The following SLC25A29 variants were observed in gnomAD, a reference collection of about 807,000 sequenced individuals.
The protein encoded by SLC25A29 is solute carrier family 25 member 29.
Under a neutral mutation model 10.0 loss-of-function variants are expected in SLC25A29, and 13 were observed. The ratio of observed to expected loss-of-function variants is 1.30; its 90% CI spans 0.85 to 2.07. SLC25A29 has a LOEUF of 2.07. Among genes scored for constraint, SLC25A29 ranks in the 30% most tolerant of loss-of-function variants. The pLI is 0.00. For missense variants in SLC25A29, 475 were observed against 447.6 expected, an observed-to-expected ratio of 1.06 and a Z score of -0.55; for synonymous variants, 244 against 221.1, an observed-to-expected ratio of 1.10 and a Z score of -0.92.
At chr14:100,299,770 C>T in intron 1 of SLC25A29, 1 of 985,464 alleles carries the variant, frequency 1.0e-6, no homozygotes, top group South Asian at 4.7e-5. Flanking sequence ...CCATGCTCCT[C>T]TCCCTGGAGT....
At chr14:100,306,170 C>G in intron 1 of SLC25A29, 29 bp downstream of exon 1, 1 of 1,437,128 alleles carries the variant, frequency 7.0e-7, no homozygotes, top group Non-Finnish European at 9.1e-7. Context: ...CGCCTCGCCC[C>G]GGCCCGGCCC....
chr14:100,287,334 A>T (rs896731382), downstream of SLC25A29, among the ~76,000 whole-genome samples: 2 of 152,246 alleles, frequency 1.3e-5, no homozygotes, highest in African/African-American at 4.8e-5. Context: ...TGAACTCTGC[A>T]CCAAGGACCT....
chr14:100,287,259 G>T (rs1446980149), downstream of SLC25A29, among the ~76,000 whole-genome samples: 1 of 152,260 alleles, frequency 6.6e-6, no homozygotes, highest in African/African-American at 2.4e-5. Flanking sequence ...TGAAGCCAGT[G>T]TGGGCTCTGA....
chr14:100,286,439 C>T (rs991886006), downstream of SLC25A29, among the ~76,000 whole-genome samples: 2 of 121,100 alleles, frequency 1.7e-5, no homozygotes, highest in East Asian at 2.6e-4. Flanking sequence ...TTACAGCTGG[C>T]GTGGTGTTGG....
chr14:100,283,483 C>CT, the SLC25A29 span, among the ~76,000 whole-genome samples: 3,494 of 128,572 alleles, frequency 0.027, 119 homozygotes, highest in African/African-American at 0.081. Flanking sequence ...TTTGGAATTG[C>CT]TTTTTTTTTT....
At chr14:100,300,289 A>T (rs937373872) in intron 1 of SLC25A29, among the ~76,000 whole-genome samples, 7 of 151,976 alleles carry the variant, frequency 4.6e-5, no homozygotes, top group Admixed American at 6.6e-5. Context: ...AAAAGTTTGG[A>T]CCCTAAAACC....
Position 100,292,441 on chromosome 14 carries a change from C to A in SLC25A29, c.754G>T (p.Ala252Ser). Reference sequence around the variant, plus strand: ...GGGAAGGCGCGCAGCAGCGTGGACGCCAGCCCCCGTGTGAAGACGCGCCAG... The same window carrying A: ...GGGAAGGCGCGCAGCAGCGTGGACGACAGCCCCCGTGTGAAGACGCGCCAG... Reference protein sequence around the residue: ...EGWRVFTRGLASTLLRAFPVN... With the variant: ...EGWRVFTRGLSSTLLRAFPVN... The change falls in exon 4 of 4, where the codon GCG (alanine) becomes TCG (serine). Residue 252 changes from alanine (A) to serine (S), a missense_variant. Physicochemically the swap from Ala to Ser is moderately conservative, Grantham distance 99. Transcript: ENST00000359232. The A allele has an allele frequency of 2.5e-6, 4 of 1,579,054 alleles. No homozygotes were observed. The highest frequency in any genetic ancestry group is 2.6e-6 in the Non-Finnish European group (3 of 1,164,756).
At chr14:100,283,890 A>T in the SLC25A29 span, among the ~76,000 whole-genome samples, 1 of 150,004 alleles carries the variant, frequency 6.7e-6, no homozygotes, top group Admixed American at 6.6e-5. Flanking sequence ...TTATTTATTT[A>T]TTTTTTGGTA....
At chr14:100,288,579 C>T (rs999145775), downstream of SLC25A29, among the ~76,000 whole-genome samples, 17 of 144,414 alleles carry the variant, frequency 1.2e-4, no homozygotes, top group African/African-American at 4.6e-4. Context: ...CCCTGCCTCA[C>T]CCCCCTCCCC....
rs969774911 is a variant in SLC25A29, at chr14:100,303,568, T to C, written c.34+2631A>G. 1.3e-5 allele frequency among the ~76,000 whole-genome samples: 2 copies of C among 152,226 alleles called. 1 individual carries two copies. Among genetic ancestry groups the C allele is most frequent in the Non-Finnish European group, 2.9e-5 (2 of 68,044 alleles). ...TTTCAGCACCCTTCGGCGAGGGGCT[T>C]GGTCTCCTTCACCCAGAAGAACCCA... On this transcript the variant is annotated intron_variant, in intron 1 of 3. Transcript: ENST00000359232.
intron 1 of SLC25A29, chr14:100,299,756 A>ACTCC (rs1672506169): frequency 1.0e-6 from 1 of 985,136 alleles, no homozygotes; most frequent in African/African-American, 1.7e-5. Context: ...ACTGACTCTG[A>ACTCC]CTCCCATGCT....
chr14:100,299,017 G>A lies in SLC25A29; in HGVS notation c.35-132C>T, dbSNP rs1286502248. ...GGGAAAGGACATTGACCAAGCACCT[G>A]TGGGTGCAGCAGGCAGATCCCATGA... is the stretch of plus-strand genomic sequence containing the variant. On this transcript the variant is annotated intron_variant, in intron 1 of 3. Coordinates refer to ENST00000359232, the MANE Select transcript of SLC25A29 (RefSeq NM_001039355.3). 9 of 1,478,554 alleles carry A rather than the reference G, an allele frequency of 6.1e-6. No individual in the cohort carries two copies. The Admixed American group carries it at 1.4e-4, about 23-fold the overall frequency. 91.6% of individuals were successfully genotyped at this position (1,478,554 alleles called of 1,614,324 possible).
At chr14:100,300,298 C>T (rs901193901) in intron 1 of SLC25A29, among the ~76,000 whole-genome samples, 7 of 152,200 alleles carry the variant, frequency 4.6e-5, no homozygotes, top group African/African-American at 1.7e-4. Context: ...GACCCTAAAA[C>T]CCACTTGATA....
At chr14:100,305,933 C>T (rs946475080) in intron 1 of SLC25A29, 31 of 376,124 alleles carry the variant, frequency 8.2e-5, no homozygotes, top group Non-Finnish European at 1.3e-4. Flanking sequence ...GTCCTGGCCT[C>T]CGCTCAGCCA....
chr14:100,285,419 A>G, the SLC25A29 span, among the ~76,000 whole-genome samples: 1 of 151,548 alleles, frequency 6.6e-6, no homozygotes, highest in African/African-American at 2.4e-5. Flanking sequence ...CGCCGGCCGC[A>G]GGAGGGCACT....
In SLC25A29 at chr14:100,306,408, A is replaced by G. The variant is rs1373997840; in HGVS notation, c.-176T>C. 4.2e-6 allele frequency: 2 copies of G among 474,918 alleles called. No homozygotes were observed. The highest frequency in any genetic ancestry group is 2.0e-5 in the African/African-American group (1 of 49,148). The allele number at this position is 474,918 out of a possible 1,614,324, so 29.4% of individuals were successfully genotyped here. The stretch of plus-strand genomic sequence containing the variant: ...GATGGTGGGGATGGCGGCAGCAGCT[A>G]GACCCGCGCTGGTCCCTCGGCGGCA... On this transcript the variant is annotated 5_prime_UTR_variant, in exon 1 of 4. Coordinates refer to ENST00000359232, the MANE Select transcript of SLC25A29 (RefSeq NM_001039355.3).
At chr14:100,288,379 T>C (rs1293024240), downstream of SLC25A29, among the ~76,000 whole-genome samples, 4 of 30,958 alleles carry the variant, frequency 1.3e-4, no homozygotes, top group Non-Finnish European at 2.2e-4. Flanking sequence ...TGAAACTCTA[T>C]CTCAAAAAAA....
chr14:100,292,357 C>A lies in SLC25A29; in HGVS notation c.838G>T (p.Glu280Ter). The A allele has an allele frequency of 6.7e-7, 1 of 1,503,584 alleles. No homozygotes were observed. 93.1% of individuals were successfully genotyped at this position (1,503,584 alleles called of 1,614,324 possible). Residue 280 changes from glutamate (E) to a stop codon, truncating the protein, a stop_gained, in exon 4 of 4, where the codon GAG becomes TAG. Coordinates refer to ENST00000359232, the MANE Select transcript of SLC25A29 (RefSeq NM_001039355.3). LOFTEE classifies it low-confidence loss of function (END_TRUNC). ...TVVLTYARGE[E>*]AGPEGEAVPA... ...ACAGCCTCGCCCTCGGGCCCGGCCT[C>A]CTCGCCGCGCGCGTAGGTGAGCACC...
intron 2 of SLC25A29, chr14:100,296,269 C>A: frequency 1.6e-5 from 5 of 306,040 alleles, no homozygotes; most frequent in South Asian, 1.4e-4. Flanking sequence ...CTAATAACTT[C>A]AAAAAAAACA....
Sources: gnomAD v4.1 joint callset for allele counts (sites outside exome capture counted in the v4.1 genomes callset) on GRCh38, gnomAD v4.1.1 for gene constraint, MANE v1.5 for transcripts, NCBI Gene and HGNC (gene_info 2026-07-23, HGNC 2026-07-21) for gene names.